NRG1: variants seen among roughly 807,000 people sequenced by gnomAD.
NRG1 encodes the protein pro-neuregulin-1, membrane-bound isoform.
A neutral mutation model predicts 63.8 loss-of-function variants in NRG1; 18 were observed. That is an observed-to-expected ratio of 0.28 (90% CI 0.19 to 0.42). NRG1 has a LOEUF of 0.42. Ranked by LOEUF, NRG1 falls within the 10% of genes least tolerant of loss-of-function variation. The pLI is 1.00. For missense variants in NRG1, 762 were observed against 814.7 expected (o/e 0.94, Z 0.79); for synonymous variants, 302 against 301.3 (o/e 1.00, Z -0.02).
At chr8:32,188,610 A>AG in intron 1 of NRG1, among the ~76,000 whole-genome samples, 1 of 152,284 alleles carries the variant, frequency 6.6e-6, no homozygotes, top group South Asian at 2.1e-4. Flanking sequence ...AAAGTGGAAG[A>AG]GGGAGGCAGA....
At chr8:32,645,148 G>A (rs1302410575) in intron 5 of NRG1, among the ~76,000 whole-genome samples, 1 of 152,110 alleles carries the variant, frequency 6.6e-6, no homozygotes, top group African/African-American at 2.4e-5. Context: ...ATATTTACAT[G>A]AATATTGATC....
At position 32,063,910 on chromosome 8, in the gene NRG1, C is replaced by T. The variant is rs888153598; in HGVS notation, c.37+424479C>T. Among the ~76,000 whole-genome samples, 8 of 152,074 alleles carry T rather than the reference C, an allele frequency of 5.3e-5. No homozygotes were observed. In the East Asian group the frequency reaches 1.4e-3, roughly 26 times the overall value. On this transcript the variant is annotated intron_variant, in intron 1 of 10. Coordinates refer to the NRG1 transcript ENST00000519301. ...TTACAGGTCCTGGGTGGGGGCAGTA[C>T]GTGGCATGCCTGGAGATGACACACA...
At chr8:32,029,543 G>A (rs1452467311) in intron 1 of NRG1, 1 of 152,180 alleles carries the variant, frequency 6.6e-6, no homozygotes, top group Non-Finnish European at 1.5e-5. Context: ...TTTGAACATG[G>A]TTTGAACAGT....
At chr8:32,749,787 T>G (rs1451159505) in intron 7 of NRG1, 4 of 603,196 alleles carry the variant, frequency 6.6e-6, no homozygotes, top group Non-Finnish European at 1.2e-5. Flanking sequence ...AGGTTTTAGA[T>G]TCCTAAGCAT....
At chr8:32,255,932 C>T (rs567722499) in intron 1 of NRG1, among the ~76,000 whole-genome samples, 3 of 152,140 alleles carry the variant, frequency 2.0e-5, no homozygotes, top group African/African-American at 2.4e-5. Context: ...TCTCTAATCT[C>T]GTCTTCATGC....
At chr8:31,666,880 G>A (rs1055483604) in intron 1 of NRG1, among the ~76,000 whole-genome samples, 4 of 152,168 alleles carry the variant, frequency 2.6e-5, no homozygotes, top group African/African-American at 9.7e-5. Context: ...CGTTTCCCTG[G>A]TTTAAAACAT....
At chr8:32,131,018 C>A (rs780847326) in intron 1 of NRG1, among the ~76,000 whole-genome samples, 1 of 151,894 alleles carries the variant, frequency 6.6e-6, no homozygotes, top group Non-Finnish European at 1.5e-5. Flanking sequence ...TGGCAAAAGG[C>A]AGAGTTGCTA....
intron 1 of NRG1, among the ~76,000 whole-genome samples, chr8:32,356,474 A>ACCCCCCCCCCCCCCCCCCCGG (rs11426642): frequency 1.2e-4 from 8 of 69,324 alleles, no homozygotes; most frequent in Admixed American, 1.5e-4. Context: ...CCTTGTTGGG[A>ACCCCCCCCCCCCCCCCCCCGG]CCCCCCCCCC....
intron 1 of NRG1, among the ~76,000 whole-genome samples, chr8:31,646,840 A>T (rs1046974560): frequency 2.6e-5 from 4 of 152,234 alleles, no homozygotes; most frequent in African/African-American, 9.6e-5. Context: ...TGAGTTTGAT[A>T]CCAGGACACT....
chr8:32,360,143 A>C (rs548520749), intron 1 of NRG1, among the ~76,000 whole-genome samples: 1 of 152,312 alleles, frequency 6.6e-6, no homozygotes, highest in Non-Finnish European at 1.5e-5. Context: ...TTCAATGGCA[A>C]TTTCAGGAAA....
intron 1 of NRG1, among the ~76,000 whole-genome samples, chr8:31,785,068 G>A (rs976760103): frequency 3.3e-5 from 5 of 152,058 alleles, no homozygotes; most frequent in East Asian, 1.9e-4. Flanking sequence ...AAGGCTTTTC[G>A]TGGACTTTTG....
intron 1 of NRG1, among the ~76,000 whole-genome samples, chr8:32,026,970 T>C (rs1817478910): frequency 1.3e-5 from 2 of 152,140 alleles, no homozygotes; most frequent in Non-Finnish European, 2.9e-5. Flanking sequence ...AACTTAATTT[T>C]CAATTGCATC....
intron 1 of NRG1, among the ~76,000 whole-genome samples, chr8:31,655,762 T>A (rs942579773): frequency 6.6e-6 from 1 of 152,158 alleles, no homozygotes; most frequent in African/African-American, 2.4e-5. Context: ...TGAGACTGGA[T>A]GTGTGCCTGG....
rs1817067015 is a variant in NRG1, at chr8:31,757,275, T to A, written c.37+117844T>A. Reference sequence around the variant, plus strand: ...GTTGCTTAAGTTTTTGGTTGCCAGCTCTGTTTTAAGCCTGACATAGAAGGG... The same window carrying A: ...GTTGCTTAAGTTTTTGGTTGCCAGCACTGTTTTAAGCCTGACATAGAAGGG... On this transcript the variant is annotated intron_variant, in intron 1 of 10. Transcript: ENST00000519301. 4.6e-5 allele frequency among the ~76,000 whole-genome samples: 7 copies of A among 152,162 alleles called. No individual in the cohort carries two copies. The South Asian group carries it at 1.4e-3, about 31-fold the overall frequency.
chr8:32,458,537 C>T (rs1375858345), intron 1 of NRG1, among the ~76,000 whole-genome samples: 13 of 152,212 alleles, frequency 8.5e-5, no homozygotes, highest in Admixed American at 7.2e-4. Context: ...TCTACCACAA[C>T]AAATATATTT....
intron 1 of NRG1, among the ~76,000 whole-genome samples, chr8:31,813,516 C>CTTTTTTTTTTTTTTTT (rs377718067): frequency 6.9e-5 from 7 of 101,216 alleles, no homozygotes; most frequent in Admixed American, 1.1e-4. Context: ...CTTTTCTTTT[C>CTTTTTTTTTTTTTTTT]TTTTTTTTTT....
At chr8:31,971,121 T>G (rs1174655663) in intron 1 of NRG1, among the ~76,000 whole-genome samples, 1 of 152,176 alleles carries the variant, frequency 6.6e-6, no homozygotes, top group Non-Finnish European at 1.5e-5. Flanking sequence ...TTTTTTTTTT[T>G]CTTAATTGAA....
At chr8:31,738,224 G>A (rs1035382966) in intron 1 of NRG1, among the ~76,000 whole-genome samples, 2 of 152,060 alleles carry the variant, frequency 1.3e-5, no homozygotes, top group African/African-American at 2.4e-5. Context: ...AACTGATCTC[G>A]TTACTGAAAA....
Position 31,830,367 on chromosome 8 carries a change from T to C in NRG1, c.37+190936T>C, listed in dbSNP as rs984840094. Among the ~76,000 whole-genome samples the C allele has an allele frequency of 2.0e-4, 29 of 145,318 alleles. No homozygotes were observed. The East Asian group carries it at 5.6e-3, about 28-fold the overall frequency. ...CTTCCTTCCTTCCTTCCTTCCCTCC[T>C]TCCCTCCTTCCCTCCTTCCCTCCTT... On this transcript the variant is annotated intron_variant, in intron 1 of 10. Coordinates refer to the NRG1 transcript ENST00000519301.
Sources: gnomAD v4.1 joint callset for allele counts (sites outside exome capture counted in the v4.1 genomes callset) on GRCh38, gnomAD v4.1.1 for gene constraint, MANE v1.5 for transcripts, NCBI Gene and HGNC (gene_info 2026-07-23, HGNC 2026-07-21) for gene names.